PTCD2: variants seen among roughly 807,000 people sequenced by gnomAD.
The protein encoded by PTCD2 is pentatricopeptide repeat domain 2.
In PTCD2, 31 loss-of-function variants were observed where a neutral mutation model predicts 42.6. That is an observed-to-expected ratio of 0.73 (90% CI 0.55 to 0.98). PTCD2 has a LOEUF of 0.98. PTCD2 is among the 50% of genes least tolerant of loss of function. The probability of loss-of-function intolerance (pLI) is 0.00; values close to 1 mark genes in which losing one functional copy is unlikely to be tolerated. For missense variants in PTCD2, 476 were observed against 454.8 expected (o/e 1.05, Z -0.42); for synonymous variants, 183 against 170.9 (o/e 1.07, Z -0.55).
intron 2 of PTCD2, among the ~76,000 whole-genome samples, chr5:72,325,912 G>A (rs546220968): frequency 1.3e-5 from 2 of 152,164 alleles, no homozygotes; most frequent in Non-Finnish European, 2.9e-5. Flanking sequence ...TTGTCCCCAC[G>A]GTTGATCAGA....
Position 72,354,472 on chromosome 5 carries a change from G to T in PTCD2, c.942+1718G>T, listed in dbSNP as rs185954119. Among the ~76,000 whole-genome samples the T allele has an allele frequency of 2.8e-3, 424 of 151,372 alleles. 3 individuals are homozygous for T. The highest frequency in any genetic ancestry group is 9.8e-3 in the African/African-American group (404 of 41,160). ...TGAAGAAAAATGGGTAAGAGATGTG[G>T]ACAGAATTTACTAAAAATGAATTGT... On this transcript the variant is annotated intron_variant, in intron 9 of 9. Transcript: ENST00000380639.
At chr5:72,354,286 A>G (rs1481915048) in intron 9 of PTCD2, among the ~76,000 whole-genome samples, 1 of 143,190 alleles carries the variant, frequency 7.0e-6, no homozygotes, top group African/African-American at 2.6e-5. Context: ...CTGTAGTCCC[A>G]GGTACTCAGG....
Position 72,359,895 on chromosome 5 carries a change from T to A in PTCD2, c.*1468T>A, listed in dbSNP as rs1753052518. The stretch of plus-strand genomic sequence containing the variant: ...AGAATACTAAGGGCCCCCATTACTG[T>A]GTGGCCCTGGGCATCCTCAGTTTCC... On this transcript the variant is annotated 3_prime_UTR_variant, in exon 10 of 10. Coordinates refer to ENST00000380639, the MANE Select transcript of PTCD2 (RefSeq NM_024754.5). The A allele has an allele frequency of 6.6e-6, 1 of 152,162 alleles. No individual in the cohort carries two copies. Among genetic ancestry groups the A allele is most frequent in the South Asian group, 2.1e-4 (1 of 4,814 alleles). The allele number at this position is 152,162 out of a possible 1,614,324, so 9.4% of individuals were successfully genotyped here.
At chr5:72,325,958 A>G (rs1751112177) in intron 2 of PTCD2, among the ~76,000 whole-genome samples, 1 of 152,220 alleles carries the variant, frequency 6.6e-6, no homozygotes, top group Admixed American at 6.5e-5. Context: ...CTGTGATGAC[A>G]CTGAAATGAT....
At chr5:72,338,497 T>C (rs1751873458) in intron 6 of PTCD2, 125 bp from the exon 7 acceptor site, 2 of 450,012 alleles carry the variant, frequency 4.4e-6, no homozygotes, top group Non-Finnish European at 7.9e-6. Flanking sequence ...GCTTAATCTT[T>C]TAAGTGGCTT....
chr5:72,351,594 C>T (rs1271399469), intron 8 of PTCD2, among the ~76,000 whole-genome samples: 1 of 152,150 alleles, frequency 6.6e-6, no homozygotes, highest in Non-Finnish European at 1.5e-5. Flanking sequence ...TCAGGAAATA[C>T]AGTCATGGGG....
intron 2 of PTCD2, among the ~76,000 whole-genome samples, chr5:72,323,194 G>A (rs992788730): frequency 4.6e-5 from 7 of 152,134 alleles, no homozygotes; most frequent in Non-Finnish European, 1.0e-4. Context: ...AAAATCCAGT[G>A]TGTTTGAGGA....
In PTCD2 at chr5:72,349,271, C is replaced by T. The variant is rs754821033; in HGVS notation, c.829-3370C>T. On this transcript the variant is annotated intron_variant, in intron 8 of 9. Transcript: ENST00000380639. ...CAAAGAAGTTCATCCCTTTTAAAGA[C>T]GCTTTCTCAAATGTCTCATCTAACA... 6.6e-5 allele frequency among the ~76,000 whole-genome samples: 10 copies of T among 152,284 alleles called. 1 individual carries two copies. The highest frequency in any genetic ancestry group is 4.1e-4 in the South Asian group (2 of 4,824).
intron 3 of PTCD2, among the ~76,000 whole-genome samples, chr5:72,330,127 A>G (rs1751369200): frequency 6.6e-6 from 1 of 150,640 alleles, no homozygotes; most frequent in Admixed American, 6.6e-5. Context: ...TTTTCAGTAG[A>G]GACGGGGTTT....
In PTCD2 at chr5:72,331,303, T is replaced by C; in HGVS notation, c.396T>C (p.Phe132=). Residue 132 remains phenylalanine, a synonymous_variant, in exon 4 of 10, where the codon TTT becomes TTC. Transcript: ENST00000380639. ...ATTTCACTTTGGGGGAGTATAAATT[T>C]GGACCGCTTTTTGTGAGGTTGTGTT... ...NKNFTLGEYK[F]GPLFVRLCYE... is the part of the protein sequence containing the mutation. The C allele has an allele frequency of 6.2e-7, 1 of 1,614,134 alleles. No homozygotes were observed.
Position 72,320,567 on chromosome 5 carries a change from G to T in PTCD2, c.127+58G>T, listed in dbSNP as rs188195445. On this transcript the variant is annotated intron_variant, in intron 1 of 9. Transcript: ENST00000380639. ...AGGGATGGGAGAGAAGGGAGTGTTA[G>T]ATCCCAGCTAGCATCTCTGTGGAGC... is the stretch of plus-strand genomic sequence containing the variant. The T allele has an allele frequency of 2.0e-4, 316 of 1,605,384 alleles. No individual in the cohort carries two copies. The African/African-American group carries it at 3.8e-3, about 19-fold the overall frequency.
intron 4 of PTCD2, 112 bp from the exon 5 acceptor site, chr5:72,334,906 A>G: frequency 1.4e-6 from 1 of 689,782 alleles, no homozygotes; most frequent in South Asian, 1.7e-5. Context: ...CAGAAGGCCA[A>G]ATGAGTAAAG....
chr5:72,342,372 G>A (rs894424947), intron 7 of PTCD2, among the ~76,000 whole-genome samples: 12 of 152,324 alleles, frequency 7.9e-5, no homozygotes, highest in Admixed American at 4.6e-4. Flanking sequence ...GGAAACGCTT[G>A]ACTAGCCTCA....
intron 8 of PTCD2, among the ~76,000 whole-genome samples, chr5:72,348,905 G>A (rs1752489026): frequency 6.6e-6 from 1 of 152,202 alleles, no homozygotes; most frequent in Non-Finnish European, 1.5e-5. Context: ...TAAAGTTCTA[G>A]CATATGCTGG....
Position 72,322,213 on chromosome 5 carries a change from G to T in PTCD2, c.169G>T (p.Glu57Ter). 6.2e-7 allele frequency: 1 copy of T among 1,603,076 alleles called. No homozygotes were observed. Residue 57 changes from glutamate to a stop codon, truncating the protein, a stop_gained, in exon 2 of 10, where the codon GAA (glutamate) becomes TAA (stop). Transcript: ENST00000380639. LOFTEE classifies it high-confidence loss of function. The part of the protein sequence containing the change: ...LLTDNVVKLK[E>*]FQQKKVAVAC... ...TACAGATAATGTGGTGAAATTAAAAGAATTTCAACAAAAGAAAGTGGCTGT... is the reference window on the plus strand; with the variant it reads ...TACAGATAATGTGGTGAAATTAAAATAATTTCAACAAAAGAAAGTGGCTGT...
intron 7 of PTCD2, among the ~76,000 whole-genome samples, chr5:72,342,011 C>T (rs1752089431): frequency 6.6e-6 from 1 of 151,884 alleles, no homozygotes; most frequent in African/African-American, 2.4e-5. Context: ...TGCCACTGCA[C>T]TCCAGCCTGG....
intron 9 of PTCD2, among the ~76,000 whole-genome samples, chr5:72,357,938 A>T (rs1752958918): frequency 6.6e-6 from 1 of 151,848 alleles, no homozygotes; most frequent in Non-Finnish European, 1.5e-5. Context: ...CCTGGGCTTA[A>T]GTGATCCTCC....
intron 5 of PTCD2, 37 bp from the exon 6 acceptor site, chr5:72,335,757 A>G (rs1172670864): frequency 7.3e-7 from 1 of 1,373,494 alleles, no homozygotes; most frequent in African/African-American, 1.4e-5. Flanking sequence ...ACAGTAGAGG[A>G]ACTCTAACAC....
At chr5:72,333,052 T>C (rs1445592839) in intron 4 of PTCD2, among the ~76,000 whole-genome samples, 1 of 152,214 alleles carries the variant, frequency 6.6e-6, no homozygotes, top group Non-Finnish European at 1.5e-5. Context: ...AAAATATCCT[T>C]GGTGACTCAA....
Sources: gnomAD v4.1 joint callset for allele counts (sites outside exome capture counted in the v4.1 genomes callset) on GRCh38, gnomAD v4.1.1 for gene constraint, MANE v1.5 for transcripts, NCBI Gene and HGNC (gene_info 2026-07-23, HGNC 2026-07-21) for gene names.